The following HSPA12A variants were observed in gnomAD, a reference collection of about 807,000 sequenced individuals.
HSPA12A encodes the protein heat shock 70 kDa protein 12A.
In HSPA12A, 28 loss-of-function variants were observed where a neutral mutation model predicts 69.2. The observed-to-expected ratio is 0.40, with a 90% CI of 0.30 to 0.55. The LOEUF (loss-of-function observed/expected upper bound fraction) is 0.55. Among genes scored for constraint, HSPA12A ranks in the 20% least tolerant of loss-of-function variants. The probability of loss-of-function intolerance (pLI) is 0.38; values close to 1 mark genes in which losing one functional copy is unlikely to be tolerated. For missense variants in HSPA12A, 686 were observed against 900.7 expected, an observed-to-expected ratio of 0.76 and a Z score of 3.05; for synonymous variants, 345 against 370.5, an observed-to-expected ratio of 0.93 and a Z score of 0.79.
At chr10:116,829,131 G>C (rs974227135) in intron 2 of HSPA12A, 1 of 152,172 alleles carries the variant, frequency 6.6e-6, no homozygotes, top group African/African-American at 2.4e-5. Flanking sequence ...GCCAGGTGGA[G>C]ATAATTGAAT....
rs146171608 is a variant in HSPA12A, at chr10:116,686,655, G to A, written c.664-2693C>T. On this transcript the variant is annotated intron_variant, in intron 6 of 11. Transcript: ENST00000369209. This position sits in a 1 kb window ranked among gnomAD's most constrained non-coding sequence, Gnocchi z 4.1. ...CCCACAGGGCCAGAAAAAGCAAGGT[G>A]GGCCTGGGCCACGGCAGCAGGGACA... Among the ~76,000 whole-genome samples the A allele has an allele frequency of 1.2e-4, 19 of 152,270 alleles. No individual in the cohort carries two copies. Among genetic ancestry groups the A allele is most frequent in the African/African-American group, 4.3e-4 (18 of 41,554 alleles).
intron 2 of HSPA12A, among the ~76,000 whole-genome samples, chr10:116,826,619 C>T (rs570820362): frequency 6.6e-6 from 1 of 152,308 alleles, no homozygotes; most frequent in Non-Finnish European, 1.5e-5. Context: ...AAACAGTTCA[C>T]ATACACTGGA....
chr10:116,689,752 C>T (rs1410052548), intron 6 of HSPA12A, among the ~76,000 whole-genome samples: 1 of 151,138 alleles, frequency 6.6e-6, no homozygotes, highest in African/African-American at 2.4e-5. Context: ...TTGGCAGGCT[C>T]GAGACCCTGG....
intron 1 of HSPA12A, among the ~76,000 whole-genome samples, chr10:116,728,606 G>T (rs1199794679): frequency 6.6e-6 from 1 of 152,098 alleles, no homozygotes; most frequent in Non-Finnish European, 1.5e-5. Context: ...ACTGATTATC[G>T]CATTCTTTCC....
At chr10:116,789,726 TAG>T (rs1430294574) in intron 2 of HSPA12A, among the ~76,000 whole-genome samples, 2 of 152,174 alleles carry the variant, frequency 1.3e-5, no homozygotes, top group Non-Finnish European at 2.9e-5. Context: ...CAACACGTCG[TAG>T]AGTGAAGCTG....
chr10:116,820,897 A>G (rs75534919), intron 2 of HSPA12A, among the ~76,000 whole-genome samples: 2,561 of 152,126 alleles, frequency 0.017, 62 homozygotes, highest in African/African-American at 0.053. Context: ...AGTTGCTGGC[A>G]CATCATATTG....
rs1258289187 is a variant in HSPA12A at position 116,788,040 on chromosome 10, C to A, written c.91+46895G>T. Among the ~76,000 whole-genome samples, 4 of 152,178 alleles carry A rather than the reference C, an allele frequency of 2.6e-5. 1 individual carries two copies. The highest frequency in any genetic ancestry group is 5.9e-5 in the Non-Finnish European group (4 of 68,032). Reference sequence around the variant, plus strand: ...CAAGCCAATCCCTCCCTCGTGCCACCTCCACGCAACGCCGTTAAATTCAGA... The same window carrying A: ...CAAGCCAATCCCTCCCTCGTGCCACATCCACGCAACGCCGTTAAATTCAGA... On this transcript the variant is annotated intron_variant, in intron 2 of 12. Transcript: ENST00000635765.
At chr10:116,735,738 TG>T (rs1387112001) in intron 1 of HSPA12A, among the ~76,000 whole-genome samples, 6 of 151,842 alleles carry the variant, frequency 4.0e-5, no homozygotes, top group African/African-American at 1.5e-4. Context: ...GGCTCATGCC[TG>T]TAATCTCAGC....
At chr10:116,709,900 A>G (rs782490970) in intron 1 of HSPA12A, among the ~76,000 whole-genome samples, 6 of 152,220 alleles carry the variant, frequency 3.9e-5, no homozygotes, top group Non-Finnish European at 5.9e-5. Context: ...GTTTAAATCA[A>G]CTTGCTCATC....
Position 116,797,485 on chromosome 10 carries a change from T to C in HSPA12A, c.91+37450A>G, listed in dbSNP as rs1844854235. Reference sequence around the variant, plus strand: ...TCGTGTGGATGTGTGTGCATGTGTGTATATGCATATGTGTTTGAGTGTGTG... The same window carrying C: ...TCGTGTGGATGTGTGTGCATGTGTGCATATGCATATGTGTTTGAGTGTGTG... On this transcript the variant is annotated intron_variant, in intron 2 of 12. Coordinates refer to the HSPA12A transcript ENST00000635765. Among the ~76,000 whole-genome samples the C allele has an allele frequency of 3.9e-5, 6 of 152,182 alleles. No homozygotes were observed. The South Asian group carries it at 1.2e-3, about 32-fold the overall frequency.
At chr10:116,788,770 C>T (rs1001039945) in intron 2 of HSPA12A, among the ~76,000 whole-genome samples, 2 of 152,022 alleles carry the variant, frequency 1.3e-5, no homozygotes, top group Non-Finnish European at 2.9e-5. Context: ...AAAATATACC[C>T]ACAGATAAAC....
intron 2 of HSPA12A, among the ~76,000 whole-genome samples, chr10:116,821,564 C>G (rs1014589970): frequency 6.6e-6 from 1 of 152,254 alleles, no homozygotes; most frequent in Non-Finnish European, 1.5e-5. Context: ...CACACATACA[C>G]ACATACATAC....
intron 2 of HSPA12A, among the ~76,000 whole-genome samples, chr10:116,794,916 T>G (rs1313941882): frequency 6.6e-6 from 1 of 152,144 alleles, no homozygotes; most frequent in Admixed American, 6.5e-5. Flanking sequence ...AAAATCAGAA[T>G]TTAAAAAATA....
chr10:116,723,208 G>GCC lies in HSPA12A; in HGVS notation c.41-15925_41-15924dup, dbSNP rs546946700. ...ATACCTCCATTACCCCCTAACCATT[G>GCC]CCCCCCCATCATTCCTGTCCTCATA... On this transcript the variant is annotated intron_variant, in intron 1 of 11. Coordinates refer to ENST00000369209, the MANE Select transcript of HSPA12A (RefSeq NM_025015.3). This position sits in a 1 kb window ranked among gnomAD's most constrained non-coding sequence, Gnocchi z 4.1. Among the ~76,000 whole-genome samples the GCC allele has an allele frequency of 7.3e-5, 11 of 150,382 alleles. No homozygotes were observed. The highest frequency in any genetic ancestry group is 2.7e-4 in the African/African-American group (11 of 40,754).
rs560306606 is a variant in HSPA12A at position 116,687,290 on chromosome 10, A to T, written c.664-3328T>A. On this transcript the variant is annotated intron_variant, in intron 6 of 11. Transcript: ENST00000369209. ...GTACCAAGATGAGGATGCAGGTGGG[A>T]AGCGAAGGTGAAGAGGACCCCACTC... Among the ~76,000 whole-genome samples, 7 of 152,256 alleles carry T rather than the reference A, an allele frequency of 4.6e-5. No homozygotes were observed. The South Asian group carries it at 1.5e-3, about 32-fold the overall frequency.
intron 2 of HSPA12A, among the ~76,000 whole-genome samples, chr10:116,798,137 A>G (rs1564823175): frequency 6.6e-6 from 1 of 151,014 alleles, no homozygotes; most frequent in Non-Finnish European, 1.5e-5. Flanking sequence ...TCAGGCCCCG[A>G]ACTGGACTTC....
intron 2 of HSPA12A, among the ~76,000 whole-genome samples, chr10:116,800,519 G>A (rs1844932947): frequency 6.6e-6 from 1 of 152,202 alleles, no homozygotes; most frequent in Non-Finnish European, 1.5e-5. Context: ...AGCCTTTGTG[G>A]GGAGAGGGAG....
chr10:116,846,370 T>G (rs1681751), intron 1 of HSPA12A, among the ~76,000 whole-genome samples: 149,278 of 149,424 alleles, frequency 1, 74,566 homozygotes, highest in Middle Eastern at 1. Flanking sequence ...GTTTTTTTGA[T>G]GCAGAGTCTC....
exon 1 of HSPA12A, chr10:116,849,734 A>G: frequency 6.6e-7 from 1 of 1,516,576 alleles, no homozygotes. Context: ...GGCACCTGGT[A>G]GGGACCTGGG....
Sources: gnomAD v4.1 joint callset for allele counts (sites outside exome capture counted in the v4.1 genomes callset) on GRCh38, gnomAD v4.1.1 for gene constraint, Gnocchi (gnomAD v3.1) non-coding constraint, MANE v1.5 for transcripts, NCBI Gene and HGNC (gene_info 2026-07-23, HGNC 2026-07-21) for gene names.